MAGI2: variants seen among roughly 807,000 people sequenced by gnomAD.
The protein encoded by MAGI2 is membrane-associated guanylate kinase, WW and PDZ domain-containing protein 2.
Under a neutral mutation model 133.3 loss-of-function variants are expected in MAGI2, and 35 were observed. The ratio of observed to expected loss-of-function variants is 0.26; its 90% CI spans 0.20 to 0.35. The LOEUF is 0.35. MAGI2 is among the 10% of genes least tolerant of loss of function. MAGI2 has a pLI of 1.00. For synonymous variants in MAGI2, 729 were observed against 710.6 expected (o/e 1.03, Z -0.41); for missense variants, 1,636 against 1,863.4 (o/e 0.88, Z 2.25).
intron 1 of MAGI2, among the ~76,000 whole-genome samples, chr7:79,075,328 G>A (rs1215052771): frequency 6.6e-6 from 1 of 152,182 alleles, no homozygotes; most frequent in Non-Finnish European, 1.5e-5. Flanking sequence ...TACCTTCCAT[G>A]AGAACAAAGA....
chr7:78,524,049 A>AG (rs1221936100), intron 3 of MAGI2, among the ~76,000 whole-genome samples: 90 of 77,474 alleles, frequency 1.2e-3, no homozygotes, highest in Non-Finnish European at 2.1e-3. Flanking sequence ...ACTCATTTCT[A>AG]GGGAAAAAAA....
chr7:78,571,213 C>T (rs541197207), intron 3 of MAGI2, among the ~76,000 whole-genome samples: 4 of 152,234 alleles, frequency 2.6e-5, no homozygotes, highest in South Asian at 4.1e-4. Flanking sequence ...TGTAGAATAG[C>T]ATTACATTTG....
intron 1 of MAGI2, among the ~76,000 whole-genome samples, chr7:79,042,276 T>C (rs1449710272): frequency 6.6e-6 from 1 of 152,218 alleles, no homozygotes; most frequent in African/African-American, 2.4e-5. Context: ...CTTATCATTA[T>C]GTGATACATT....
At chr7:78,436,986 C>T (rs1409755365) in intron 6 of MAGI2, among the ~76,000 whole-genome samples, 2 of 152,148 alleles carry the variant, frequency 1.3e-5, no homozygotes, top group Admixed American at 6.6e-5. Flanking sequence ...CTCTCTAAGG[C>T]TGATCTATAC....
chr7:78,603,191 AT>A (rs1370397459), intron 3 of MAGI2, among the ~76,000 whole-genome samples: 1 of 152,242 alleles, frequency 6.6e-6, no homozygotes, highest in East Asian at 1.9e-4. Flanking sequence ...CTTTCACAAA[AT>A]TTTGAGCTTC....
At chr7:78,606,892 C>T (rs1429891361) in intron 3 of MAGI2, among the ~76,000 whole-genome samples, 1 of 152,008 alleles carries the variant, frequency 6.6e-6, no homozygotes, top group East Asian at 1.9e-4. Flanking sequence ...GCTGTTTCTT[C>T]CATCAAAAAA....
At position 78,576,192 on chromosome 7, in the gene MAGI2, C is replaced by CT. The variant is rs540975103; in HGVS notation, c.538+50927dup. On this transcript the variant is annotated intron_variant, in intron 3 of 21. Transcript: ENST00000354212. Reference sequence around the variant, plus strand: ...AACAACAACAAACCTCTCTATAATGCTTTTTTTTTTTCTTGTTTTGTCACA... The same window carrying CT: ...AACAACAACAAACCTCTCTATAATGCTTTTTTTTTTTTCTTGTTTTGTCACA... Among the ~76,000 whole-genome samples, 118 of 146,492 alleles carry CT rather than the reference C, an allele frequency of 8.1e-4. 1 individual carries two copies. Among genetic ancestry groups the CT allele is most frequent in the African/African-American group, 1.1e-3 (46 of 40,040 alleles).
rs1346222813 is a variant in MAGI2 at position 78,718,562 on chromosome 7, C to G, written c.419-91323G>C. On this transcript the variant is annotated intron_variant, in intron 2 of 21. Coordinates refer to ENST00000354212, the MANE Select transcript of MAGI2 (RefSeq NM_012301.4). ...ATGTGAGGGGTGTAGGTTGTCCGCT[C>G]CTTATGAGAATCTAATGCCTGATGA... 5.3e-5 allele frequency among the ~76,000 whole-genome samples: 8 copies of G among 151,648 alleles called. No homozygotes were observed. The Admixed American group carries it at 5.3e-4, about 10-fold the overall frequency.
chr7:78,125,644 C>A (rs367973229), intron 20 of MAGI2, 50 bp downstream of exon 20: 1 of 1,590,470 alleles, frequency 6.3e-7, no homozygotes, highest in East Asian at 2.2e-5. Context: ...ATACCACAGT[C>A]GGTTTTTCTT....
intron 6 of MAGI2, among the ~76,000 whole-genome samples, chr7:78,440,130 A>G (rs140441790): frequency 1.2e-4 from 18 of 152,210 alleles, no homozygotes; most frequent in African/African-American, 4.1e-4. Flanking sequence ...GACTCCCATT[A>G]TATTTCTATC....
chr7:78,514,020 A>C (rs545724518), intron 4 of MAGI2, among the ~76,000 whole-genome samples: 237 of 142,720 alleles, frequency 1.7e-3, no homozygotes, highest in African/African-American at 6.0e-3. Flanking sequence ...CCCAGGAGGC[A>C]GAGGTTGAAG....
intron 7 of MAGI2, chr7:78,358,181 AAAAAAAAAAAAAAAAATATATATAT>A (rs1378888741): frequency 8.3e-5 from 5 of 59,896 alleles, no homozygotes; most frequent in Non-Finnish European, 1.3e-4. Context: ...AAAAAAAAAA[AAAAAAAAAAAAAAAAATATATATAT>A]ATATATATAT....
At chr7:78,647,782 G>A (rs1811054942) in intron 2 of MAGI2, among the ~76,000 whole-genome samples, 2 of 152,270 alleles carry the variant, frequency 1.3e-5, no homozygotes, top group African/African-American at 4.8e-5. Context: ...TAAAGAAAAT[G>A]TGGCCCATAT....
chr7:78,352,970 C>A (rs761370605), intron 7 of MAGI2: 1 of 152,162 alleles, frequency 6.6e-6, no homozygotes, highest in Non-Finnish European at 1.5e-5. Flanking sequence ...CCAGGACCTA[C>A]AAGGTACATA....
rs1802208421 is a variant in MAGI2 at position 78,575,800 on chromosome 7, T to A, written c.538+51320A>T. Among the ~76,000 whole-genome samples, 3 of 152,036 alleles carry A rather than the reference T, an allele frequency of 2.0e-5. No homozygotes were observed. In the South Asian group the frequency reaches 6.2e-4, roughly 31 times the overall value. ...TGTGAGTCACCAAAAATAAGGAAAA[T>A]CTGAGAAATTGTCACAATCTAAGGG... On this transcript the variant is annotated intron_variant, in intron 3 of 21. Transcript: ENST00000354212.
chr7:78,611,891 C>A (rs553537363), intron 3 of MAGI2, among the ~76,000 whole-genome samples: 1 of 152,284 alleles, frequency 6.6e-6, no homozygotes, highest in South Asian at 2.1e-4. Flanking sequence ...AAGGTTGACT[C>A]TTCCTCTAGT....
chr7:78,125,111 G>T (rs184939438), intron 20 of MAGI2, among the ~76,000 whole-genome samples: 1 of 151,936 alleles, frequency 6.6e-6, no homozygotes, highest in East Asian at 1.9e-4. Context: ...TGATCCTCCC[G>T]CCTCAGCCTC....
intron 16 of MAGI2, among the ~76,000 whole-genome samples, chr7:78,158,525 G>A (rs1445258094): frequency 2.6e-5 from 4 of 152,114 alleles, no homozygotes; most frequent in Non-Finnish European, 4.4e-5. Context: ...TGCTACCCAG[G>A]GGAGGGTGAA....
chr7:78,243,913 C>G (rs942369227), intron 10 of MAGI2, among the ~76,000 whole-genome samples: 1 of 151,802 alleles, frequency 6.6e-6, no homozygotes, highest in African/African-American at 2.4e-5. Context: ...TGTAATTATT[C>G]CCTCCTCTAC....
Sources: gnomAD v4.1 joint callset for allele counts (sites outside exome capture counted in the v4.1 genomes callset) on GRCh38, gnomAD v4.1.1 for gene constraint, MANE v1.5 for transcripts, NCBI Gene and HGNC (gene_info 2026-07-23, HGNC 2026-07-21) for gene names.